PTPN14: variants seen among roughly 807,000 people sequenced by gnomAD.
The protein encoded by PTPN14 is protein tyrosine phosphatase non-receptor type 14.
PTPN14 carries 53 observed loss-of-function variants against 126.8 expected under a neutral mutation model. The ratio of observed to expected loss-of-function variants is 0.42; its 90% CI spans 0.34 to 0.53. PTPN14 has a LOEUF of 0.53. Ranked by LOEUF, PTPN14 falls within the 20% of genes least tolerant of loss-of-function variation. The pLI is 0.08. For synonymous variants in PTPN14, 630 were observed against 599.3 expected (o/e 1.05, Z -0.75); for missense variants, 1,257 against 1,552.9 (o/e 0.81, Z 3.20).
chr1:214,539,253 A>C (rs544248930), intron 1 of PTPN14, among the ~76,000 whole-genome samples: 1 of 152,280 alleles, frequency 6.6e-6, no homozygotes, highest in South Asian at 2.1e-4. Context: ...CTTCCATATT[A>C]CAGGTGTTCC....
chr1:214,549,846 A>G (rs1331209257), intron 1 of PTPN14, among the ~76,000 whole-genome samples: 3 of 152,194 alleles, frequency 2.0e-5, no homozygotes, highest in South Asian at 2.1e-4. Flanking sequence ...TGTGGTTCCC[A>G]TAAGTGGCTA....
At position 214,421,950 on chromosome 1, in the gene PTPN14, C is replaced by A. The variant is rs562998730; in HGVS notation, c.345-7224G>T. On this transcript the variant is annotated intron_variant, in intron 3 of 18. Coordinates refer to ENST00000366956, the MANE Select transcript of PTPN14 (RefSeq NM_005401.5). The stretch of plus-strand genomic sequence containing the variant: ...CATCCGCCACTATACTTCCCCCAGG[C>A]CTCTCCTGCACTGGCACCAGCGCCT... 2.6e-5 allele frequency among the ~76,000 whole-genome samples: 4 copies of A among 152,298 alleles called. No individual in the cohort carries two copies. The South Asian group carries it at 8.3e-4, about 32-fold the overall frequency.
At chr1:214,536,524 C>T (rs893263743) in intron 1 of PTPN14, among the ~76,000 whole-genome samples, 3 of 152,068 alleles carry the variant, frequency 2.0e-5, no homozygotes, top group Non-Finnish European at 4.4e-5. Flanking sequence ...GTGGCTCACA[C>T]CTATAATCCC....
intron 1 of PTPN14, among the ~76,000 whole-genome samples, chr1:214,467,574 A>AAC (rs10694982): frequency 0.83 from 125,553 of 151,880 alleles, 52,003 homozygotes; most frequent in African/African-American, 0.89. Flanking sequence ...GATATACAAA[A>AAC]ACACAAAGAG....
At chr1:214,391,734 C>T (rs1037465183) in intron 10 of PTPN14, among the ~76,000 whole-genome samples, 1 of 146,362 alleles carries the variant, frequency 6.8e-6, no homozygotes, top group African/African-American at 2.5e-5. Context: ...AGGACATGTA[C>T]AGTTTTTTAT....
At chr1:214,456,948 C>T (rs531053284) in intron 2 of PTPN14, among the ~76,000 whole-genome samples, 3 of 152,282 alleles carry the variant, frequency 2.0e-5, no homozygotes, top group South Asian at 2.1e-4. Context: ...TATATACTGA[C>T]GTGATTAAAC....
At chr1:214,494,876 C>G (rs886657582) in intron 1 of PTPN14, among the ~76,000 whole-genome samples, 4 of 152,202 alleles carry the variant, frequency 2.6e-5, no homozygotes, top group Non-Finnish European at 4.4e-5. Context: ...CACGTGTCAT[C>G]TTCACCACAA....
intron 14 of PTPN14, 60 bp downstream of exon 14, chr1:214,377,899 G>A (rs1658379168): frequency 7.7e-6 from 12 of 1,551,520 alleles, no homozygotes; most frequent in Non-Finnish European, 8.7e-6. Context: ...CGGGCAAGGA[G>A]GGTGTTTTGG....
intron 1 of PTPN14, chr1:214,533,406 A>G: frequency 2.4e-6 from 1 of 413,022 alleles, no homozygotes; most frequent in Non-Finnish European, 4.6e-6. Context: ...AAAGACCACC[A>G]CCTGCCGCAA....
At chr1:214,362,526 T>C (rs138144663) in intron 18 of PTPN14, among the ~76,000 whole-genome samples, 1 of 152,372 alleles carries the variant, frequency 6.6e-6, no homozygotes, top group Non-Finnish European at 1.5e-5. Flanking sequence ...GGATTTGATA[T>C]GCTTGTCTGT....
intron 1 of PTPN14, among the ~76,000 whole-genome samples, chr1:214,478,275 T>C (rs550827723): frequency 1.3e-5 from 2 of 152,338 alleles, no homozygotes; most frequent in East Asian, 3.9e-4. Flanking sequence ...TCTACATTAT[T>C]TAGGCTATTC....
intron 1 of PTPN14, among the ~76,000 whole-genome samples, chr1:214,541,537 AC>A (rs1369061765): frequency 6.6e-6 from 1 of 152,158 alleles, no homozygotes; most frequent in Non-Finnish European, 1.5e-5. Context: ...GTGGAAGTCA[AC>A]CAGGCCAATG....
At position 214,357,883 on chromosome 1, in the gene PTPN14, T is replaced by C. The variant is rs1339406939; in HGVS notation, c.*39A>G. ...TGGAGGTGACTCTCCTCCAGCGCGA[T>C]GGAGCTGGGTCCCTCCTCCAGGAGC... On this transcript the variant is annotated 3_prime_UTR_variant, in exon 19 of 19. Coordinates refer to ENST00000366956, the MANE Select transcript of PTPN14 (RefSeq NM_005401.5). 8 of 1,595,970 alleles carry C rather than the reference T, an allele frequency of 5.0e-6. No individual in the cohort carries two copies. The highest frequency in any genetic ancestry group is 1.3e-5 in the African/African-American group (1 of 74,614).
chr1:214,390,779 G>A lies in PTPN14; in HGVS notation c.987+209C>T, dbSNP rs770705151. On this transcript the variant is annotated intron_variant, in intron 11 of 18. Transcript: ENST00000366956. ...GACCTACTCTCAGGGTAAACCCTCA[G>A]CCTCAGCCACACTTAGAGTAGTGGT... 5.3e-5 allele frequency among the ~76,000 whole-genome samples: 8 copies of A among 152,194 alleles called. 1 individual carries two copies. The highest frequency in any genetic ancestry group is 1.2e-4 in the Non-Finnish European group (8 of 68,044).
chr1:214,546,065 G>C (rs1275604538), intron 1 of PTPN14, among the ~76,000 whole-genome samples: 1 of 152,180 alleles, frequency 6.6e-6, no homozygotes, highest in African/African-American at 2.4e-5. Flanking sequence ...ATTCAAACTG[G>C]TGCAGTGAAA....
At chr1:214,424,831 G>A (rs544166161) in intron 3 of PTPN14, among the ~76,000 whole-genome samples, 2 of 152,324 alleles carry the variant, frequency 1.3e-5, no homozygotes, top group South Asian at 4.1e-4. Context: ...TTGCAGGTGT[G>A]AGACACCGTG....
intron 1 of PTPN14, among the ~76,000 whole-genome samples, chr1:214,493,507 A>G (rs1411286040): frequency 2.6e-5 from 4 of 152,214 alleles, no homozygotes; most frequent in Non-Finnish European, 2.9e-5. Context: ...ATAAGTATAT[A>G]TACTTACTAT....
At chr1:214,420,363 G>A (rs535935747) in intron 3 of PTPN14, among the ~76,000 whole-genome samples, 1 of 152,278 alleles carries the variant, frequency 6.6e-6, no homozygotes, top group African/African-American at 2.4e-5. Flanking sequence ...AACATTCATT[G>A]ATCAATAAAT....
At chr1:214,505,570 A>G (rs1461629392) in intron 1 of PTPN14, among the ~76,000 whole-genome samples, 2 of 152,210 alleles carry the variant, frequency 1.3e-5, no homozygotes, top group Non-Finnish European at 2.9e-5. Flanking sequence ...CTTAGCTACA[A>G]AGAAAAGAGC....
Sources: gnomAD v4.1 joint callset for allele counts (sites outside exome capture counted in the v4.1 genomes callset) on GRCh38, gnomAD v4.1.1 for gene constraint, MANE v1.5 for transcripts, NCBI Gene and HGNC (gene_info 2026-07-23, HGNC 2026-07-21) for gene names.